The following HERC1 variants were observed in gnomAD, a reference collection of about 807,000 sequenced individuals.
HERC1 encodes the protein HECT and RLD domain containing E3 ubiquitin protein ligase family member 1, also known as probable E3 ubiquitin-protein ligase HERC1.
In HERC1, 160 loss-of-function variants were observed where a neutral mutation model predicts 554.3. That is an observed-to-expected ratio of 0.29 (90% CI 0.25 to 0.33). The LOEUF (loss-of-function observed/expected upper bound fraction) is 0.33. Among genes scored for constraint, HERC1 ranks in the 10% least tolerant of loss-of-function variants. HERC1 has a pLI of 1.00. For missense variants in HERC1, 4,919 were observed against 5,918.5 expected, an observed-to-expected ratio of 0.83 and a Z score of 5.54; for synonymous variants, 2,175 against 2,131.7, an observed-to-expected ratio of 1.02 and a Z score of -0.56.
At chr15:63,759,630 A>G (rs997425910) in intron 3 of HERC1, among the ~76,000 whole-genome samples, 2 of 152,328 alleles carry the variant, frequency 1.3e-5, no homozygotes, top group Middle Eastern at 3.4e-3. Context: ...TCACTTATTT[A>G]TTAGAACTTA....
intron 1 of HERC1, among the ~76,000 whole-genome samples, chr15:63,821,718 C>G (rs1395380727): frequency 8.8e-6 from 1 of 113,738 alleles, no homozygotes; most frequent in African/African-American, 3.6e-5. Flanking sequence ...CAGAGTGATA[C>G]CCTGTCTCAA....
intron 53 of HERC1, among the ~76,000 whole-genome samples, chr15:63,650,901 T>C (rs1173433954): frequency 6.6e-6 from 1 of 152,208 alleles, no homozygotes. Context: ...CAAGAATTTA[T>C]ACCTGCAAAA....
Position 63,758,276 on chromosome 15 carries a change from C to T in HERC1, c.1120G>A (p.Val374Ile), listed in dbSNP as rs1334662911. ...DAPIVSETCE[V>I]YVWGSNSSHQ... ...CTGCTATTGCTCCCCCAAACATAAA[C>T]CTCACAGGTTTCGGAGACAATGGGA... Residue 374 changes from valine to isoleucine, a missense_variant, in exon 4 of 78, where the codon GTT (valine) becomes ATT (isoleucine). Physicochemically the swap from Val to Ile is conservative, Grantham distance 29. Transcript: ENST00000443617. The surrounding 1 kb of genome is among the most constrained non-coding windows in gnomAD (Gnocchi z 4.0). 1.9e-6 allele frequency: 3 copies of T among 1,613,826 alleles called. No homozygotes were observed. Among genetic ancestry groups the T allele is most frequent in the Non-Finnish European group, 2.5e-6 (3 of 1,179,774 alleles).
At chr15:63,639,506 C>A (rs1177494639) in intron 61 of HERC1, among the ~76,000 whole-genome samples, 1 of 152,200 alleles carries the variant, frequency 6.6e-6, no homozygotes, top group African/African-American at 2.4e-5. Flanking sequence ...CAGAACATAT[C>A]CCCATCATTA....
intron 17 of HERC1, 66 bp from the exon 18 acceptor site, chr15:63,725,579 T>G: frequency 7.7e-7 from 1 of 1,305,798 alleles, no homozygotes; most frequent in Non-Finnish European, 1.1e-6. Flanking sequence ...ATATTTCTCA[T>G]AGTCTCCTAC....
intron 54 of HERC1, among the ~76,000 whole-genome samples, chr15:63,648,898 AC>A (rs2069499057): frequency 6.6e-6 from 1 of 152,156 alleles, no homozygotes; most frequent in African/African-American, 2.4e-5. Flanking sequence ...ACTTTGAATT[AC>A]CCCACTTCCC....
Position 63,680,259 on chromosome 15 carries a change from A to G in HERC1, c.6466-99T>C. On this transcript the variant is annotated intron_variant, in intron 35 of 77. Coordinates refer to ENST00000443617, the MANE Select transcript of HERC1 (RefSeq NM_003922.4). This position sits in a 1 kb window ranked among gnomAD's most constrained non-coding sequence, Gnocchi z 5.8. ...AGAATTGAAAGCTTTTATGAGACAGAACAAAAGTTACTAGATCAAATTCTC... is the reference window on the plus strand; with the variant it reads ...AGAATTGAAAGCTTTTATGAGACAGGACAAAAGTTACTAGATCAAATTCTC... 1.1e-6 allele frequency: 1 copy of G among 917,704 alleles called. No individual in the cohort carries two copies. The allele number at this position is 917,704 out of a possible 1,614,324, so 56.8% of individuals were successfully genotyped here.
At chr15:63,631,111 T>C (rs1412407766) in intron 68 of HERC1, among the ~76,000 whole-genome samples, 5 of 152,182 alleles carry the variant, frequency 3.3e-5, no homozygotes, top group African/African-American at 9.6e-5. Flanking sequence ...CCTGAGTAGC[T>C]TGGACCACAG....
In HERC1 at chr15:63,615,771, T is replaced by C. The variant is rs2067788708; in HGVS notation, c.14091A>G (p.Arg4697=). 1.3e-6 allele frequency: 2 copies of C among 1,587,458 alleles called. No homozygotes were observed. The highest frequency in any genetic ancestry group is 1.2e-5 in the South Asian group (1 of 85,408). ...AIEYRLHEMD[R]QVAAVREGMS... is the part of the protein sequence containing the mutation. Reference sequence around the variant, plus strand: ...CTCCCGAGATGTTTCATCTCACCTGTCTGTCCATCTCATGAAGTCGATATT... The same window carrying C: ...CTCCCGAGATGTTTCATCTCACCTGCCTGTCCATCTCATGAAGTCGATATT... The change falls in exon 76 of 78, where the codon AGA becomes AGG. Residue 4697 remains arginine, a synonymous_variant. Transcript: ENST00000443617.
rs145211343 is a variant in HERC1 at position 63,708,176 on chromosome 15, C to A, written c.4585-1345G>T. The stretch of plus-strand genomic sequence containing the variant: ...CTCCTCAAGGCATCACTGTGTCAGG[C>A]AATAAAACATTTTCATTACATAGTA... On this transcript the variant is annotated intron_variant, in intron 24 of 77. Transcript: ENST00000443617. Among the ~76,000 whole-genome samples, 123 of 152,150 alleles carry A rather than the reference C, an allele frequency of 8.1e-4. 1 individual carries two copies. In the East Asian group the frequency reaches 0.022, roughly 27 times the overall value.
chr15:63,712,143 T>A (rs1371228017), intron 24 of HERC1, among the ~76,000 whole-genome samples: 2 of 152,100 alleles, frequency 1.3e-5, no homozygotes, highest in East Asian at 1.9e-4. Flanking sequence ...GTAGAGGAGG[T>A]ATAAACAGAT....
intron 1 of HERC1, among the ~76,000 whole-genome samples, chr15:63,777,446 G>C (rs1012238329): frequency 6.6e-6 from 1 of 152,140 alleles, no homozygotes; most frequent in Non-Finnish European, 1.5e-5. Context: ...TAATTTTGCT[G>C]TTTTAAATTT....
At chr15:63,699,924 G>A (rs960956918) in intron 25 of HERC1, among the ~76,000 whole-genome samples, 9 of 151,834 alleles carry the variant, frequency 5.9e-5, no homozygotes, top group South Asian at 4.1e-4. Flanking sequence ...CAATCCTTTC[G>A]TCATGACATA....
intron 25 of HERC1, among the ~76,000 whole-genome samples, chr15:63,703,374 G>A (rs1387919841): frequency 1.3e-5 from 2 of 152,242 alleles, no homozygotes; most frequent in Non-Finnish European, 2.9e-5. Context: ...AGCCTTTGCA[G>A]GCATGGAAAG....
At chr15:63,763,703 A>T (rs1317684853) in intron 3 of HERC1, among the ~76,000 whole-genome samples, 6 of 152,056 alleles carry the variant, frequency 3.9e-5, no homozygotes, top group Non-Finnish European at 8.8e-5. Context: ...AGGAGAAAAG[A>T]GGTTATGACA....
intron 19 of HERC1, among the ~76,000 whole-genome samples, chr15:63,720,719 C>T (rs1364714257): frequency 6.6e-6 from 1 of 152,120 alleles, no homozygotes; most frequent in Non-Finnish European, 1.5e-5. Context: ...ATCATCCATT[C>T]CATGGAATTG....
intron 44 of HERC1, among the ~76,000 whole-genome samples, 155 bp downstream of exon 44, chr15:63,662,829 C>A (rs1305597519): frequency 6.7e-6 from 1 of 148,908 alleles, no homozygotes; most frequent in African/African-American, 2.4e-5. Context: ...TTGTAGGTAT[C>A]AAAGTAACCT....
chr15:63,627,799 A>G (rs891747719), intron 70 of HERC1, among the ~76,000 whole-genome samples: 3 of 152,222 alleles, frequency 2.0e-5, no homozygotes, highest in Non-Finnish European at 2.9e-5. Flanking sequence ...GAAAGGGCCC[A>G]CAGTTGGGTG....
intron 10 of HERC1, among the ~76,000 whole-genome samples, chr15:63,748,374 A>C (rs1212457924): frequency 4.6e-5 from 7 of 152,162 alleles, no homozygotes; most frequent in Non-Finnish European, 1.0e-4. Flanking sequence ...GAAAACATAC[A>C]ACCACCACCT....
Sources: allele counts gnomAD v4.1 joint callset (sites outside exome capture counted in the v4.1 genomes callset), GRCh38; gene constraint gnomAD v4.1.1; non-coding constraint Gnocchi (gnomAD v3.1); transcripts MANE v1.5; gene names NCBI Gene and HGNC (gene_info 2026-07-23, HGNC 2026-07-21).